PRKCE: variants seen among roughly 807,000 people sequenced by gnomAD.
The protein encoded by PRKCE is protein kinase C epsilon, also known as protein kinase C epsilon type.
Under a neutral mutation model 85.4 loss-of-function variants are expected in PRKCE, and 16 were observed. The ratio of observed to expected loss-of-function variants is 0.19; its 90% CI spans 0.13 to 0.28. The LOEUF is 0.28. Ranked by LOEUF, PRKCE falls within the 10% of genes least tolerant of loss-of-function variation. The pLI, the probability that PRKCE is intolerant of heterozygous loss-of-function variation, is 1.00. For synonymous variants in PRKCE, 388 were observed against 371.5 expected (o/e 1.04, Z -0.51); for missense variants, 573 against 975.2 (o/e 0.59, Z 5.49).
intron 5 of PRKCE, among the ~76,000 whole-genome samples, chr2:45,983,909 C>T (rs1196737879): frequency 1.3e-5 from 2 of 151,578 alleles, no homozygotes; most frequent in African/African-American, 4.9e-5. Flanking sequence ...GGTGGGGCTT[C>T]CAGGCACACA....
At chr2:45,906,957 T>C (rs1183775835) in intron 2 of PRKCE, among the ~76,000 whole-genome samples, 1 of 152,116 alleles carries the variant, frequency 6.6e-6, no homozygotes, top group African/African-American at 2.4e-5. Flanking sequence ...GCATTGTGAG[T>C]GTGGGCCCAG....
intron 1 of PRKCE, among the ~76,000 whole-genome samples, chr2:45,712,075 C>T (rs1679690448): frequency 6.7e-6 from 1 of 150,354 alleles, no homozygotes; most frequent in African/African-American, 2.4e-5. Context: ...CTTCTCCACA[C>T]TGTCTGTGTG....
chr2:45,811,239 G>A (rs369118195), intron 1 of PRKCE, among the ~76,000 whole-genome samples: 42 of 152,324 alleles, frequency 2.8e-4, no homozygotes, highest in Middle Eastern at 3.4e-3. Context: ...AGCAAGCAAT[G>A]AGAGGCCACC....
At chr2:45,833,053 C>T (rs1179014951) in intron 1 of PRKCE, among the ~76,000 whole-genome samples, 1 of 150,302 alleles carries the variant, frequency 6.7e-6, no homozygotes, top group South Asian at 2.1e-4. Context: ...TGTGGTGGCT[C>T]ATGCCTGTAA....
At chr2:46,133,001 G>A (rs1343392268) in intron 11 of PRKCE, among the ~76,000 whole-genome samples, 3 of 152,138 alleles carry the variant, frequency 2.0e-5, no homozygotes, top group African/African-American at 7.2e-5. Flanking sequence ...CTTTATCTGG[G>A]CTGGGGTGAC....
chr2:45,715,986 A>G (rs987237757), intron 1 of PRKCE, among the ~76,000 whole-genome samples: 3 of 152,130 alleles, frequency 2.0e-5, no homozygotes, highest in Non-Finnish European at 4.4e-5. Flanking sequence ...TGCTGGGCCC[A>G]CATTCTCAGC....
At chr2:46,049,311 A>G (rs1312253185) in intron 10 of PRKCE, among the ~76,000 whole-genome samples, 1 of 152,118 alleles carries the variant, frequency 6.6e-6, no homozygotes, top group Non-Finnish European at 1.5e-5. Flanking sequence ...CCCCCACCTC[A>G]CTGGATTAGT....
At chr2:46,081,020 T>C (rs1669020960) in intron 10 of PRKCE, among the ~76,000 whole-genome samples, 1 of 150,326 alleles carries the variant, frequency 6.7e-6, no homozygotes, top group South Asian at 2.1e-4. Context: ...GAGGCAGGGT[T>C]TCACCGTGTT....
intron 1 of PRKCE, among the ~76,000 whole-genome samples, chr2:45,672,325 C>T (rs1360305227): frequency 1.3e-5 from 2 of 151,462 alleles, no homozygotes; most frequent in African/African-American, 4.9e-5. Flanking sequence ...CATCCATCCA[C>T]CCATCAATTC....
chr2:45,816,733 C>G (rs766721715), intron 1 of PRKCE, among the ~76,000 whole-genome samples: 6 of 152,152 alleles, frequency 3.9e-5, no homozygotes, highest in African/African-American at 1.4e-4. Flanking sequence ...TGGCCCTAGC[C>G]CCATGGATCA....
At chr2:46,039,393 G>T (rs1396542319) in intron 10 of PRKCE, among the ~76,000 whole-genome samples, 5 of 152,086 alleles carry the variant, frequency 3.3e-5, no homozygotes, top group African/African-American at 1.2e-4. Context: ...AATGGCATTT[G>T]ACCCATTGGG....
chr2:45,793,773 A>G (rs1412552814), intron 1 of PRKCE, among the ~76,000 whole-genome samples: 1 of 152,214 alleles, frequency 6.6e-6, no homozygotes, highest in African/African-American at 2.4e-5. Flanking sequence ...ATATGTTTGG[A>G]ACTGGGATCC....
chr2:45,916,141 T>C (rs560012357), intron 2 of PRKCE, among the ~76,000 whole-genome samples: 4 of 152,080 alleles, frequency 2.6e-5, no homozygotes, highest in African/African-American at 9.6e-5. Flanking sequence ...TAGTCTTTTC[T>C]ATCTCTACTT....
chr2:45,757,830 A>G (rs1394343616), intron 1 of PRKCE, among the ~76,000 whole-genome samples: 1 of 152,154 alleles, frequency 6.6e-6, no homozygotes, highest in African/African-American at 2.4e-5. Flanking sequence ...CGTGCTTAGG[A>G]TGGCAGGGGA....
intron 1 of PRKCE, among the ~76,000 whole-genome samples, chr2:45,657,359 T>G (rs972194438): frequency 1.4e-4 from 21 of 152,186 alleles, no homozygotes; most frequent in African/African-American, 5.1e-4. Context: ...TAACCTTCCG[T>G]ATTTCCATTC....
At chr2:45,716,716 AAGGAAGGAAGGAAGGAAAGT>A (rs779429368) in intron 1 of PRKCE, among the ~76,000 whole-genome samples, 9,103 of 72,286 alleles carry the variant, frequency 0.13, 455 homozygotes, top group African/African-American at 0.21. Flanking sequence ...GGAAGGAAGG[AAGGAAGGAAGGAAGGAAAGT>A]AGGAAGGAAC....
chr2:46,003,252 C>A (rs1455113894), intron 7 of PRKCE, among the ~76,000 whole-genome samples: 1 of 152,106 alleles, frequency 6.6e-6, no homozygotes, highest in Non-Finnish European at 1.5e-5. Flanking sequence ...CTCGTGTTGC[C>A]CCTTGCAACT....
chr2:45,665,505 G>A (rs1418102580), intron 1 of PRKCE, among the ~76,000 whole-genome samples: 2 of 152,190 alleles, frequency 1.3e-5, no homozygotes, highest in African/African-American at 2.4e-5. Context: ...CAGTTGATGA[G>A]CAACTGTGAG....
chr2:46,176,418 A>G (rs1197034105), intron 14 of PRKCE, among the ~76,000 whole-genome samples: 1 of 152,052 alleles, frequency 6.6e-6, no homozygotes, highest in Non-Finnish European at 1.5e-5. Flanking sequence ...AAATGATGGG[A>G]TAGAGTAATG....
Sources: gnomAD v4.1 joint callset for allele counts (sites outside exome capture counted in the v4.1 genomes callset) on GRCh38, gnomAD v4.1.1 for gene constraint, MANE v1.5 for transcripts, NCBI Gene and HGNC (gene_info 2026-07-23, HGNC 2026-07-21) for gene names.